AQR: variants seen among roughly 807,000 people sequenced by gnomAD.
The protein encoded by AQR is aquarius intron-binding spliceosomal factor.
AQR carries 61 observed loss-of-function variants against 180.5 expected under a neutral mutation model. The ratio of observed to expected loss-of-function variants is 0.34; its 90% confidence interval spans 0.28 to 0.42. The LOEUF is 0.42. Among genes scored for constraint, AQR ranks in the 10% least tolerant of loss-of-function variants. The pLI, the probability that AQR is intolerant of heterozygous loss-of-function variation, is 1.00. For missense variants in AQR, 1,281 were observed against 1,798.3 expected, an observed-to-expected ratio of 0.71 and a Z score of 5.20; for synonymous variants, 551 against 588.8, an observed-to-expected ratio of 0.94 and a Z score of 0.93.
At chr15:34,925,726 G>C (rs976004989) in intron 13 of AQR, among the ~76,000 whole-genome samples, 1 of 148,796 alleles carries the variant, frequency 6.7e-6, no homozygotes, top group African/African-American at 2.5e-5. Context: ...CCAGCTATTC[G>C]GGAGGCTGAC....
At chr15:34,882,970 G>C (rs1892998130) in intron 26 of AQR, among the ~76,000 whole-genome samples, 2 of 152,102 alleles carry the variant, frequency 1.3e-5, no homozygotes, top group Non-Finnish European at 2.9e-5. Context: ...TCATATCAAA[G>C]GAAATTTTAG....
At chr15:34,943,297 A>G (rs1307734602) in intron 6 of AQR, 2 of 1,549,914 alleles carry the variant, frequency 1.3e-6, no homozygotes, top group East Asian at 4.5e-5. Flanking sequence ...GAGTGCATTG[A>G]GCCCAACTGC....
intron 9 of AQR, among the ~76,000 whole-genome samples, chr15:34,936,937 G>A (rs554178726): frequency 6.6e-6 from 1 of 152,258 alleles, no homozygotes; most frequent in East Asian, 1.9e-4. Context: ...TTTGTGCCAA[G>A]AAAACCCAAT....
At position 34,876,026 on chromosome 15, in the gene AQR, G is replaced by T. The variant is rs745524210; in HGVS notation, c.3166-20C>A. Reference sequence around the variant, plus strand: ...GTCATACTAAGAAAGAGGAAATCTTGTCATAAAGACAGCTTAAAAGTCAAA... The same window carrying T: ...GTCATACTAAGAAAGAGGAAATCTTTTCATAAAGACAGCTTAAAAGTCAAA... On this transcript the variant is annotated intron_variant, in intron 27 of 34. Transcript: ENST00000156471. The T allele has an allele frequency of 1.9e-6, 3 of 1,591,736 alleles. No individual in the cohort carries two copies. In the South Asian group the frequency reaches 3.3e-5, roughly 18 times the overall value.
At chr15:34,859,940 G>T in intron 34 of AQR, 102 bp downstream of exon 34, 1 of 485,706 alleles carries the variant, frequency 2.1e-6, no homozygotes, top group Non-Finnish European at 3.4e-6. Flanking sequence ...CTTTAGTTTA[G>T]CTGATTTCCC....
At chr15:34,919,733 A>C (rs987129809) in intron 14 of AQR, among the ~76,000 whole-genome samples, 6 of 151,940 alleles carry the variant, frequency 3.9e-5, no homozygotes, top group African/African-American at 1.5e-4. Flanking sequence ...TCTATCTTCT[A>C]CTCAAAATAC....
intron 5 of AQR, among the ~76,000 whole-genome samples, chr15:34,946,498 G>A (rs1183933414): frequency 8.6e-5 from 11 of 127,738 alleles, no homozygotes; most frequent in Admixed American, 3.2e-4. Context: ...TCAGCCCCCC[G>A]CCCGGCCAGC....
intron 32 of AQR, among the ~76,000 whole-genome samples, chr15:34,865,107 A>G (rs1892723167): frequency 1.3e-5 from 2 of 152,192 alleles, no homozygotes; most frequent in Admixed American, 6.5e-5. Context: ...TATGTCTTGA[A>G]AGCAGGGCAA....
intron 3 of AQR, among the ~76,000 whole-genome samples, chr15:34,957,655 T>C (rs1011862575): frequency 6.7e-6 from 1 of 148,206 alleles, no homozygotes; most frequent in African/African-American, 2.5e-5. Context: ...GAGCCGAGAC[T>C]GCACCATTGC....
chr15:34,906,108 G>A (rs1893411802), intron 18 of AQR, among the ~76,000 whole-genome samples: 1 of 152,032 alleles, frequency 6.6e-6, no homozygotes, highest in Non-Finnish European at 1.5e-5. Flanking sequence ...TGGGTGTGGT[G>A]GCGGCTCATG....
In AQR at chr15:34,960,780, T is replaced by C. The variant is rs138495597; in HGVS notation, c.167A>G (p.Lys56Arg). The C allele has an allele frequency of 9.8e-6, 9 of 921,740 alleles. No individual in the cohort carries two copies. Among genetic ancestry groups the C allele is most frequent in the Non-Finnish European group, 1.5e-5 (9 of 604,740 alleles). The allele number at this position is 921,740 out of a possible 1,614,324, so 57.1% of individuals were successfully genotyped here. A position where few individuals can be genotyped will look rare whatever the true frequency, so the allele number is the denominator to read the frequency against. The part of the protein sequence containing the change: ...IEDIYEKEIV[K>R]SRFAIRKIML... ...AATTTAAATTCATTCCTACCTTGAT[T>C]TGACAATCTCTTTTTCATATATATC... Residue 56 changes from lysine (K) to arginine (R), a missense_variant, in exon 3 of 35, where the codon AAA becomes AGA. By Grantham distance (26) the Lys-to-Arg change is conservative. This residue lies in a region of AQR where 404 missense variants were observed against 490.9 expected (regional missense o/e 0.82). Transcript: ENST00000156471.
intron 2 of AQR, among the ~76,000 whole-genome samples, chr15:34,961,436 C>T (rs1488455072): frequency 2.6e-5 from 4 of 151,740 alleles, no homozygotes; most frequent in Non-Finnish European, 5.9e-5. Flanking sequence ...ATGGTGAAAC[C>T]CTGTCTCTAC....
intron 34 of AQR, among the ~76,000 whole-genome samples, chr15:34,857,996 T>C (rs529184690): frequency 5.9e-5 from 9 of 152,236 alleles, no homozygotes; most frequent in South Asian, 2.1e-4. Flanking sequence ...GATTGATTGA[T>C]TGACTGAGAC....
intron 5 of AQR, among the ~76,000 whole-genome samples, chr15:34,946,692 T>C (rs1438272635): frequency 1.6e-5 from 2 of 122,458 alleles, no homozygotes; most frequent in East Asian, 5.6e-4. Context: ...CAGCCGCCCG[T>C]CCGGGAGGGA....
chr15:34,932,864 G>A (rs545699782), intron 10 of AQR, among the ~76,000 whole-genome samples: 44 of 152,144 alleles, frequency 2.9e-4, no homozygotes, highest in African/African-American at 1.0e-3. Context: ...CTGAGGCAGG[G>A]AGAATTGCTT....
intron 32 of AQR, among the ~76,000 whole-genome samples, chr15:34,866,694 A>C (rs1022721028): frequency 1.3e-5 from 2 of 152,196 alleles, no homozygotes; most frequent in Admixed American, 6.6e-5. Flanking sequence ...CAATGAGAAG[A>C]AGGAATTGCT....
At chr15:34,895,187 A>AAATATATATATAT (rs1555423886) in intron 22 of AQR, among the ~76,000 whole-genome samples, 1 of 12,960 alleles carries the variant, frequency 7.7e-5, no homozygotes, top group African/African-American at 2.3e-4. Context: ...AAAAAAAAAA[A>AAATATATATATAT]ATATATATAT....
intron 2 of AQR, among the ~76,000 whole-genome samples, chr15:34,961,924 A>G (rs2050281800): frequency 1.3e-5 from 2 of 152,142 alleles, no homozygotes; most frequent in African/African-American, 4.8e-5. Flanking sequence ...CAATAGCAGC[A>G]GTAGTAGTGC....
At chr15:34,917,961 T>G (rs1446466336) in intron 15 of AQR, among the ~76,000 whole-genome samples, 1 of 151,974 alleles carries the variant, frequency 6.6e-6, no homozygotes, top group African/African-American at 2.4e-5. Flanking sequence ...CCAGCCTGGG[T>G]GACAGAGCAA....
Sources: gnomAD v4.1 joint callset for allele counts (sites outside exome capture counted in the v4.1 genomes callset) on GRCh38, gnomAD v4.1.1 for gene constraint, gnomAD v4.1.1 regional missense constraint, MANE v1.5 for transcripts, NCBI Gene and HGNC (gene_info 2026-07-23, HGNC 2026-07-21) for gene names.